FRMD3: variants seen among roughly 807,000 people sequenced by gnomAD.
FRMD3 encodes the protein FERM domain containing 3.
Under a neutral mutation model 70.2 loss-of-function variants are expected in FRMD3, and 33 were observed. The ratio of observed to expected loss-of-function variants is 0.47; its 90% confidence interval spans 0.36 to 0.63. The LOEUF (loss-of-function observed/expected upper bound fraction) is 0.63. Among genes scored for constraint, FRMD3 ranks in the 20% least tolerant of loss-of-function variants. The pLI is 0.00. For missense variants in FRMD3, 632 were observed against 711.4 expected (o/e 0.89, Z 1.27); for synonymous variants, 279 against 255.9 (o/e 1.09, Z -0.86).
chr9:83,279,454 G>A (rs1762972804), intron 13 of FRMD3: 1 of 151,988 alleles, frequency 6.6e-6, no homozygotes, highest in African/African-American at 2.4e-5. Context: ...CTCATTACTG[G>A]GTATATGCCC....
intron 3 of FRMD3, among the ~76,000 whole-genome samples, chr9:83,356,337 G>A (rs192311159): frequency 2.3e-3 from 334 of 143,576 alleles, no homozygotes; most frequent in Non-Finnish European, 4.0e-3. Context: ...GTGCAGTGGC[G>A]CGATCTCGGC....
intron 13 of FRMD3, among the ~76,000 whole-genome samples, chr9:83,253,844 G>A (rs1406173371): frequency 2.0e-5 from 3 of 152,092 alleles, no homozygotes; most frequent in East Asian, 3.8e-4. Flanking sequence ...TATTCACACT[G>A]GCAAAGACTT....
chr9:83,512,878 G>A (rs1484652370), intron 1 of FRMD3, among the ~76,000 whole-genome samples: 1 of 152,192 alleles, frequency 6.6e-6, no homozygotes, highest in African/African-American at 2.4e-5. Flanking sequence ...GACATCCTAA[G>A]TCTGCAAGAC....
chr9:83,379,917 G>T (rs887334078), intron 2 of FRMD3, among the ~76,000 whole-genome samples: 2 of 152,096 alleles, frequency 1.3e-5, no homozygotes, highest in Non-Finnish European at 2.9e-5. Flanking sequence ...CCCTCTACAT[G>T]ACTTTGCCCA....
the FRMD3 span, among the ~76,000 whole-genome samples, chr9:83,553,154 G>C: frequency 6.6e-6 from 1 of 152,174 alleles, no homozygotes; most frequent in Non-Finnish European, 1.5e-5. Flanking sequence ...AAGATCTCCT[G>C]TAAGGCAGGT....
At chr9:83,286,643 CTT>C (rs1834226083) in intron 13 of FRMD3, among the ~76,000 whole-genome samples, 1 of 152,122 alleles carries the variant, frequency 6.6e-6, no homozygotes, top group Admixed American at 6.6e-5. Flanking sequence ...TTAGACAACA[CTT>C]TTAACAGGGC....
intron 1 of FRMD3, among the ~76,000 whole-genome samples, chr9:83,506,683 A>G (rs1443434984): frequency 1.3e-5 from 2 of 152,216 alleles, no homozygotes; most frequent in Non-Finnish European, 1.5e-5. Flanking sequence ...AACACTGTAC[A>G]CTTAGGCTAC....
At chr9:83,276,719 T>C (rs1277506479) in intron 13 of FRMD3, among the ~76,000 whole-genome samples, 1 of 152,226 alleles carries the variant, frequency 6.6e-6, no homozygotes, top group Non-Finnish European at 1.5e-5. Context: ...AATATATGTA[T>C]ACATACTGAG....
intron 1 of FRMD3, among the ~76,000 whole-genome samples, chr9:83,500,992 CGA>C (rs1829055919): frequency 6.6e-6 from 1 of 152,064 alleles, no homozygotes; most frequent in East Asian, 1.9e-4. Flanking sequence ...ATAATATATG[CGA>C]AATACATTAT....
At chr9:83,310,440 C>T (rs780563194) in intron 9 of FRMD3, 45 bp downstream of exon 9, 5 of 1,460,704 alleles carry the variant, frequency 3.4e-6, no homozygotes, top group Non-Finnish European at 4.8e-6. Flanking sequence ...GAATCTCTCT[C>T]ATGCACACAC....
At chr9:83,286,334 CTTT>C (rs35896378) in intron 13 of FRMD3, among the ~76,000 whole-genome samples, 151 of 148,502 alleles carry the variant, frequency 1.0e-3, no homozygotes, top group Admixed American at 1.5e-3. Flanking sequence ...TTAGAGAACA[CTTT>C]TTTTTTTTTT....
chr9:83,519,017 A>T (rs557781765), intron 1 of FRMD3, among the ~76,000 whole-genome samples: 130 of 152,300 alleles, frequency 8.5e-4, no homozygotes, highest in Non-Finnish European at 1.5e-3. Flanking sequence ...ATTTAAATGT[A>T]AGCCCTAAAA....
At chr9:83,389,465 C>T (rs1334809504) in intron 2 of FRMD3, 139 bp downstream of exon 2, 5 of 648,538 alleles carry the variant, frequency 7.7e-6, no homozygotes, top group African/African-American at 1.8e-5. Context: ...ATGCCAGCCT[C>T]TTCTGCTCAC....
At chr9:83,398,266 T>C (rs1017389559) in intron 1 of FRMD3, among the ~76,000 whole-genome samples, 6 of 152,228 alleles carry the variant, frequency 3.9e-5, no homozygotes, top group African/African-American at 1.4e-4. Context: ...ACTGGTACTA[T>C]TACAAACAGT....
intron 1 of FRMD3, among the ~76,000 whole-genome samples, chr9:83,439,866 T>G (rs911843233): frequency 6.6e-6 from 1 of 152,190 alleles, no homozygotes; most frequent in Non-Finnish European, 1.5e-5. Context: ...TGCTAGCAGT[T>G]ATAAAATAAA....
At chr9:83,394,657 G>A (rs1251075396) in intron 1 of FRMD3, among the ~76,000 whole-genome samples, 1 of 152,178 alleles carries the variant, frequency 6.6e-6, no homozygotes, top group East Asian at 1.9e-4. Flanking sequence ...AGAGTCAGTA[G>A]TAAGTCCCAC....
At chr9:83,251,216 A>G (rs893926133) in intron 13 of FRMD3, among the ~76,000 whole-genome samples, 6 of 152,196 alleles carry the variant, frequency 3.9e-5, no homozygotes, top group African/African-American at 1.4e-4. Context: ...ACAGGGATAG[A>G]AGAAACTAAG....
At chr9:83,533,144 G>A (rs1042458221) in intron 1 of FRMD3, among the ~76,000 whole-genome samples, 1 of 152,186 alleles carries the variant, frequency 6.6e-6, no homozygotes, top group Admixed American at 6.5e-5. Flanking sequence ...AAGAGGCAGT[G>A]CTCCAGAGAT....
intron 1 of FRMD3, among the ~76,000 whole-genome samples, chr9:83,434,700 G>A (rs1827081057): frequency 6.6e-6 from 1 of 152,104 alleles, no homozygotes; most frequent in Non-Finnish European, 1.5e-5. Flanking sequence ...TCCAGTGGAG[G>A]TCAAGGAGAA....
Sources: gnomAD v4.1 joint callset for allele counts (sites outside exome capture counted in the v4.1 genomes callset) on GRCh38, gnomAD v4.1.1 for gene constraint, MANE v1.5 for transcripts, NCBI Gene and HGNC (gene_info 2026-07-23, HGNC 2026-07-21) for gene names.